The following SLC16A1 variants were observed in gnomAD, a reference collection of about 807,000 sequenced individuals.
SLC16A1 encodes solute carrier family 16 member 1.
SLC16A1 carries 11 observed loss-of-function variants against 32.2 expected under a neutral mutation model. That is an observed-to-expected ratio of 0.34 (90% CI 0.21 to 0.56). The LOEUF (loss-of-function observed/expected upper bound fraction) is 0.56, where lower values mean the gene tolerates loss of function less well. SLC16A1 is among the 20% of genes least tolerant of loss of function. The pLI, the probability that SLC16A1 is intolerant of heterozygous loss-of-function variation, is 0.87. For synonymous variants in SLC16A1, 231 were observed against 226.8 expected (o/e 1.02, Z -0.17); for missense variants, 435 against 615.0 (o/e 0.71, Z 3.10).
rs895264692 is a variant in SLC16A1, at chr1:112,945,158, C to T, written c.-45+10877G>A. ...GGATTACAGGTGCCTGCCACCGTGC[C>T]TGCCTAATTTTTGTATTTTTAGTAA... is the stretch of plus-strand genomic sequence containing the variant. On this transcript the variant is annotated intron_variant, in intron 1 of 4. Coordinates refer to ENST00000369626, the MANE Select transcript of SLC16A1 (RefSeq NM_003051.4). Among the ~76,000 whole-genome samples the T allele has an allele frequency of 2.6e-5, 4 of 151,944 alleles. No individual in the cohort carries two copies. In the East Asian group the frequency reaches 5.8e-4, roughly 22 times the overall value.
At position 112,912,914 on chromosome 1, in the gene SLC16A1, A is replaced by G. The variant is rs1648373891; in HGVS notation, c.*977T>C. 1 of 152,150 alleles carries G rather than the reference A, an allele frequency of 6.6e-6. No individual in the cohort carries two copies. Among genetic ancestry groups the G allele is most frequent in the Admixed American group, 6.5e-5 (1 of 15,280 alleles). 9.4% of individuals were successfully genotyped at this position (152,150 alleles called of 1,614,324 possible). Reference sequence around the variant, plus strand: ...GACCACTGTGAATCAAAGGGGAAAAATTCCAGGAAAAAAAAATTCCAATAG... The same window carrying G: ...GACCACTGTGAATCAAAGGGGAAAAGTTCCAGGAAAAAAAAATTCCAATAG... On this transcript the variant is annotated 3_prime_UTR_variant, in exon 5 of 5. Coordinates refer to ENST00000369626, the MANE Select transcript of SLC16A1 (RefSeq NM_003051.4).
chr1:112,919,841 G>A (rs1378853494), intron 3 of SLC16A1, among the ~76,000 whole-genome samples: 1 of 152,130 alleles, frequency 6.6e-6, no homozygotes, highest in Non-Finnish European at 1.5e-5. Context: ...TCTTCAGTGA[G>A]CCCTGACCTT....
At chr1:112,933,981 C>G (rs941924539) in intron 1 of SLC16A1, among the ~76,000 whole-genome samples, 11 of 152,072 alleles carry the variant, frequency 7.2e-5, no homozygotes, top group Non-Finnish European at 1.3e-4. Context: ...AACAATGGTA[C>G]AGCCATATAA....
chr1:112,930,465 T>C lies in SLC16A1; in HGVS notation c.-44-1113A>G, dbSNP rs187442939. 2.3e-3 allele frequency among the ~76,000 whole-genome samples: 356 copies of C among 152,328 alleles called. 2 individuals carry two copies. Among genetic ancestry groups the C allele is most frequent in the East Asian group, 9.3e-3 (48 of 5,180 alleles). The stretch of plus-strand genomic sequence containing the variant: ...TCTCGAGTAAATGAATTTTTTTTAA[T>C]GTTACTTATCCAATAGACATTATCT... On this transcript the variant is annotated intron_variant, in intron 1 of 4. Transcript: ENST00000369626.
chr1:112,916,268 G>C (rs971459861), intron 4 of SLC16A1, among the ~76,000 whole-genome samples: 1 of 151,198 alleles, frequency 6.6e-6, no homozygotes, highest in Non-Finnish European at 1.5e-5. Context: ...GGGAGGCCAA[G>C]GCGGGTGGAC....
At chr1:112,924,597 CA>C (rs934126201) in intron 2 of SLC16A1, among the ~76,000 whole-genome samples, 92 of 150,992 alleles carry the variant, frequency 6.1e-4, no homozygotes, top group African/African-American at 2.0e-3. Flanking sequence ...ACAACAACAA[CA>C]AAAAAAAGAA....
intron 2 of SLC16A1, among the ~76,000 whole-genome samples, chr1:112,927,010 C>T (rs1648964477): frequency 6.6e-6 from 1 of 151,028 alleles, no homozygotes; most frequent in African/African-American, 2.4e-5. Flanking sequence ...GTAGGGCCAC[C>T]TGCTACTGGG....
intron 1 of SLC16A1, among the ~76,000 whole-genome samples, chr1:112,941,730 A>T (rs183150773): frequency 6.6e-6 from 1 of 152,196 alleles, no homozygotes; most frequent in African/African-American, 2.4e-5. Flanking sequence ...GAAAGCTAAC[A>T]TTTGTAACTG....
At chr1:112,955,721 T>C (rs1650064479) in intron 1 of SLC16A1, 1 of 152,230 alleles carries the variant, frequency 6.6e-6, no homozygotes, top group Admixed American at 6.5e-5. Flanking sequence ...TATTGAAGAC[T>C]TAGGGGGGAA....
Position 112,916,171 on chromosome 1 carries a change from C to CT in SLC16A1, c.1228+1006dup, listed in dbSNP as rs11299751. On this transcript the variant is annotated intron_variant, in intron 4 of 4. Coordinates refer to ENST00000369626, the MANE Select transcript of SLC16A1 (RefSeq NM_003051.4). ...ATTATACTACTGCTACTGAAATAAA[C>CT]TTTTTTTTTTTTTTTTTGCTTTTTG... Among the ~76,000 whole-genome samples the CT allele has an allele frequency of 1.9e-4, 23 of 119,556 alleles. No homozygotes were observed. The South Asian group carries it at 2.8e-3, about 15-fold the overall frequency. 78.4% of individuals were successfully genotyped at this position (119,556 alleles called of 152,430 possible).
Position 112,913,942 on chromosome 1 carries a change from C to T in SLC16A1, c.1452G>A (p.Pro484=), listed in dbSNP as rs17852382. Residue 484 remains proline (P), a synonymous_variant, in exon 5 of 5, where the codon CCG becomes CCA. Coordinates refer to ENST00000369626, the MANE Select transcript of SLC16A1 (RefSeq NM_003051.4). ...GCCCTCCATCTGTGTCTTTCTGGTC[C>T]GGAGATTCTGCTGCTTTGGTAACTT... The part of the protein sequence containing the change: ...PNEVTKAAES[P]DQKDTDGGPK... The T allele has an allele frequency of 2.4e-5, 39 of 1,614,122 alleles. No homozygotes were observed. Among genetic ancestry groups the T allele is most frequent in the African/African-American group, 9.3e-5 (7 of 75,022 alleles).
At chr1:112,918,089 TAAATAA>T in intron 3 of SLC16A1, 45 bp from the exon 4 acceptor site, 1 of 1,089,060 alleles carries the variant, frequency 9.2e-7, no homozygotes, top group Non-Finnish European at 1.2e-6. Context: ...AATAAATAAA[TAAATAA>T]ATAAATAATA....
At chr1:112,921,566 T>G (rs1570623450) in intron 3 of SLC16A1, among the ~76,000 whole-genome samples, 2 of 152,220 alleles carry the variant, frequency 1.3e-5, no homozygotes, top group Admixed American at 1.3e-4. Flanking sequence ...TGGGTAACTT[T>G]TATTCATTAT....
intron 2 of SLC16A1, among the ~76,000 whole-genome samples, chr1:112,927,484 C>T (rs1648983029): frequency 6.6e-6 from 1 of 152,084 alleles, no homozygotes; most frequent in Non-Finnish European, 1.5e-5. Flanking sequence ...AGGATTATCA[C>T]AGTTGTAAAA....
Position 112,913,929 on chromosome 1 carries a change from T to C in SLC16A1, c.1465A>G (p.Thr489Ala). The C allele has an allele frequency of 6.2e-7, 1 of 1,614,176 alleles. No homozygotes were observed. The highest frequency in any genetic ancestry group is 1.7e-5 in the Admixed American group (1 of 60,020). The change falls in exon 5 of 5, where the codon ACA becomes GCA. Residue 489 changes from threonine (T) to alanine (A), a missense_variant. Thr to Ala is a moderately conservative substitution (Grantham distance 58). Coordinates refer to ENST00000369626, the MANE Select transcript of SLC16A1 (RefSeq NM_003051.4). ...KAAESPDQKD[T>A]DGGPKEEESP... is the part of the protein sequence containing the mutation. ...TCCTCCTCCTTGGGCCCTCCATCTG[T>C]GTCTTTCTGGTCCGGAGATTCTGCT...
chr1:112,944,107 A>T (rs1026808638), intron 1 of SLC16A1, among the ~76,000 whole-genome samples: 1 of 152,230 alleles, frequency 6.6e-6, no homozygotes, highest in Non-Finnish European at 1.5e-5. Flanking sequence ...TGCTCTTTCC[A>T]TATAACTATG....
chr1:112,943,899 C>T (rs530488759), intron 1 of SLC16A1, among the ~76,000 whole-genome samples: 2 of 151,918 alleles, frequency 1.3e-5, no homozygotes, highest in African/African-American at 4.8e-5. Flanking sequence ...AACTTTTTGG[C>T]CATTCATTCA....
At chr1:112,915,353 G>A (rs906616526) in intron 4 of SLC16A1, among the ~76,000 whole-genome samples, 2 of 152,178 alleles carry the variant, frequency 1.3e-5, no homozygotes, top group Non-Finnish European at 2.9e-5. Context: ...GAACTGTAGT[G>A]CAAAGGCGCA....
chr1:112,923,128 T>C (rs897198750), intron 2 of SLC16A1, among the ~76,000 whole-genome samples: 16 of 152,236 alleles, frequency 1.1e-4, no homozygotes, highest in African/African-American at 3.1e-4. Flanking sequence ...AAGACCAGCC[T>C]GACCGACATG....
Sources: allele counts gnomAD v4.1 joint callset (sites outside exome capture counted in the v4.1 genomes callset), GRCh38; gene constraint gnomAD v4.1.1; transcripts MANE v1.5; gene names NCBI Gene and HGNC (gene_info 2026-07-23, HGNC 2026-07-21).